UBQLN1: variants seen among roughly 807,000 people sequenced by gnomAD.
UBQLN1 encodes ubiquilin 1.
In UBQLN1, 13 loss-of-function variants were observed where a neutral mutation model predicts 65.4. The observed-to-expected ratio is 0.20, with a 90% confidence interval of 0.13 to 0.32. The LOEUF is 0.32. Among genes scored for constraint, UBQLN1 ranks in the 10% least tolerant of loss-of-function variants. UBQLN1 has a pLI of 1.00. For synonymous variants in UBQLN1, 267 were observed against 247.8 expected (o/e 1.08, Z -0.73); for missense variants, 561 against 724.0 (o/e 0.77, Z 2.58).
At chr9:83,667,867 A>C (rs1451778017) in intron 7 of UBQLN1, 1 of 974,756 alleles carries the variant, frequency 1.0e-6, no homozygotes, top group Non-Finnish European at 1.2e-6. Flanking sequence ...AAAAGTTTCT[A>C]AATTATCTGT....
chr9:83,662,790 A>C (rs1435578745), intron 10 of UBQLN1, among the ~76,000 whole-genome samples: 1 of 152,202 alleles, frequency 6.6e-6, no homozygotes. Flanking sequence ...AGGCTTGAAA[A>C]CAGAAAGCAG....
chr9:83,699,492 A>G (rs1398646036), intron 1 of UBQLN1, among the ~76,000 whole-genome samples: 2 of 152,038 alleles, frequency 1.3e-5, no homozygotes, highest in Non-Finnish European at 2.9e-5. Flanking sequence ...ACACCTAGCT[A>G]AATTTTTATT....
chr9:83,697,860 C>A (rs1017110242), intron 1 of UBQLN1, among the ~76,000 whole-genome samples: 1 of 151,416 alleles, frequency 6.6e-6, no homozygotes, highest in Non-Finnish European at 1.5e-5. Context: ...CTCAGCCTTC[C>A]GAGTAGCTGG....
intron 4 of UBQLN1, 44 bp downstream of exon 4, chr9:83,679,731 A>G (rs754980950): frequency 4.4e-6 from 7 of 1,586,192 alleles, no homozygotes; most frequent in Non-Finnish European, 6.0e-6. Context: ...AATAACAAAT[A>G]TATCATTTTT....
chr9:83,670,463 A>G (rs1285218195), intron 6 of UBQLN1, among the ~76,000 whole-genome samples: 1 of 152,130 alleles, frequency 6.6e-6, no homozygotes, highest in Non-Finnish European at 1.5e-5. Context: ...AGCAAGTCAC[A>G]CACATTTTTT....
rs1399643903 is a variant in UBQLN1 at position 83,686,009 on chromosome 9, T to C, written c.327A>G (p.Gln109=). The change falls in exon 2 of 11, where the codon CAA becomes CAG. Residue 109 remains glutamine, a synonymous_variant. Coordinates refer to ENST00000376395, the MANE Select transcript of UBQLN1 (RefSeq NM_013438.5). ...GLTVHLVIKT[Q]NRPQDHSAQQ... is the part of the protein sequence containing the mutation. ...TACATCTTCCAAAACCATACCTGTT[T>C]TGTGTTTTAATGACAAGGTGAACAG... The C allele has an allele frequency of 1.2e-6, 2 of 1,604,394 alleles. No homozygotes were observed. Among genetic ancestry groups the C allele is most frequent in the Non-Finnish European group, 1.7e-6 (2 of 1,176,748 alleles).
At chr9:83,663,166 G>A (rs1831589365) in intron 10 of UBQLN1, among the ~76,000 whole-genome samples, 1 of 150,952 alleles carries the variant, frequency 6.6e-6, no homozygotes, top group South Asian at 2.1e-4. Context: ...GAAGAGGAAG[G>A]AGGAAAAGGA....
chr9:83,703,800 T>G (rs1832351855), intron 1 of UBQLN1, among the ~76,000 whole-genome samples: 1 of 152,198 alleles, frequency 6.6e-6, no homozygotes, highest in Non-Finnish European at 1.5e-5. Flanking sequence ...CATTATTAAA[T>G]ACCAAATGTA....
chr9:83,667,484 A>C, intron 7 of UBQLN1: 1 of 985,276 alleles, frequency 1.0e-6, no homozygotes, highest in Non-Finnish European at 1.2e-6. Flanking sequence ...TCAATACAAT[A>C]ACAAAAGCAG....
At chr9:83,668,411 G>A (rs1331230322) in intron 7 of UBQLN1, 1 of 985,228 alleles carries the variant, frequency 1.0e-6, no homozygotes, top group African/African-American at 1.7e-5. Context: ...ATAAACTACA[G>A]ATTATCAAGG....
intron 10 of UBQLN1, 133 bp from the exon 11 acceptor site, chr9:83,662,072 T>C (rs1361768007): frequency 1.6e-5 from 11 of 698,576 alleles, no homozygotes; most frequent in South Asian, 2.5e-5. Context: ...TGCCCACCTC[T>C]TGAAACTTAT....
At chr9:83,674,199 T>A (rs934171582) in intron 6 of UBQLN1, among the ~76,000 whole-genome samples, 1 of 143,098 alleles carries the variant, frequency 7.0e-6, no homozygotes, top group South Asian at 2.3e-4. Context: ...AAAAAAAAAA[T>A]AACCAGTATA....
rs1392400600 is a variant in UBQLN1, at chr9:83,660,612, T to G, written c.*1175A>C. ...ATGCACAGAAATCCTAACAGAATCTTGGTTGCCAGTATTATTTAAGCTGGC... is the reference window on the plus strand; with the variant it reads ...ATGCACAGAAATCCTAACAGAATCTGGGTTGCCAGTATTATTTAAGCTGGC... On this transcript the variant is annotated 3_prime_UTR_variant, in exon 11 of 11. Transcript: ENST00000376395. The G allele has an allele frequency of 6.6e-6, 1 of 152,154 alleles. No homozygotes were observed. The highest frequency in any genetic ancestry group is 6.5e-5 in the Admixed American group (1 of 15,268). The allele number at this position is 152,154 out of a possible 1,614,324, so 9.4% of individuals were successfully genotyped here. A position where few individuals can be genotyped will look rare whatever the true frequency, so the allele number is the denominator to read the frequency against.
chr9:83,669,096 A>G (rs1831689114), intron 7 of UBQLN1, 89 bp downstream of exon 7: 1 of 1,468,050 alleles, frequency 6.8e-7, no homozygotes, highest in South Asian at 1.3e-5. Flanking sequence ...GATATCATAC[A>G]CAACACAAAT....
chr9:83,667,906 C>G, intron 7 of UBQLN1: 2 of 977,018 alleles, frequency 2.0e-6, no homozygotes, highest in Non-Finnish European at 2.4e-6. Context: ...CTAGTACTAG[C>G]AACATTTTGT....
Position 83,663,863 on chromosome 9 carries a change from A to G in UBQLN1, c.1617+12T>C. The G allele has an allele frequency of 6.2e-7, 1 of 1,606,252 alleles. No homozygotes were observed. ...TAAGGAATACAAAACTTGAATGGAA[A>G]AGAACTGATACCTGAGGATTTACTC... On this transcript the variant is annotated intron_variant, in intron 10 of 10. Transcript: ENST00000376395.
rs747172644 is a variant in UBQLN1 at position 83,678,398 on chromosome 9, C to T, written c.870+43G>A. On this transcript the variant is annotated intron_variant, in intron 5 of 10. Transcript: ENST00000376395. Reference sequence around the variant, plus strand: ...AATCATACACATATTTGTGTTAAAACAGAAGCTACTCCTTGGCCTGAACCT... The same window carrying T: ...AATCATACACATATTTGTGTTAAAATAGAAGCTACTCCTTGGCCTGAACCT... 29 of 1,567,702 alleles carry T rather than the reference C, an allele frequency of 1.8e-5. No individual in the cohort carries two copies. In the South Asian group the frequency reaches 3.5e-4, roughly 19 times the overall value.
chr9:83,692,839 C>T (rs913113432), intron 1 of UBQLN1, among the ~76,000 whole-genome samples: 2 of 151,950 alleles, frequency 1.3e-5, no homozygotes, highest in African/African-American at 2.4e-5. Context: ...GCAACAAGAG[C>T]GGAACTCCGT....
intron 10 of UBQLN1, among the ~76,000 whole-genome samples, chr9:83,663,436 G>A (rs1215394138): frequency 6.6e-6 from 1 of 152,196 alleles, no homozygotes; most frequent in East Asian, 1.9e-4. Flanking sequence ...AGGAGGTGGT[G>A]TCATGGGTGG....
Sources: allele counts gnomAD v4.1 joint callset (sites outside exome capture counted in the v4.1 genomes callset), GRCh38; gene constraint gnomAD v4.1.1; transcripts MANE v1.5; gene names NCBI Gene and HGNC (gene_info 2026-07-23, HGNC 2026-07-21).